The following NUP210L variants were observed in gnomAD, a reference collection of about 807,000 sequenced individuals.
NUP210L encodes the protein nuclear pore membrane glycoprotein 210-like.
NUP210L carries 74 observed loss-of-function variants against 208.5 expected under a neutral mutation model. That is an observed-to-expected ratio of 0.35 (90% CI 0.29 to 0.43). The LOEUF (loss-of-function observed/expected upper bound fraction) is 0.43. NUP210L is among the 20% of genes least tolerant of loss of function. The pLI is 1.00. For missense variants in NUP210L, 1,843 were observed against 2,289.4 expected (o/e 0.81, Z 3.98); for synonymous variants, 780 against 816.9 (o/e 0.95, Z 0.77).
intron 1 of NUP210L, among the ~76,000 whole-genome samples, chr1:154,153,799 C>A (rs1659537490): frequency 1.3e-5 from 2 of 152,128 alleles, no homozygotes. Context: ...TGGAAAGATG[C>A]CTTGCATCAC....
chr1:154,094,970 T>G, exon 15 of NUP210L: 2 of 1,614,164 alleles, frequency 1.2e-6, no homozygotes, highest in Non-Finnish European at 1.7e-6. Flanking sequence ...ATCCGGTAGA[T>G]GTACTGGTTC....
chr1:154,012,958 A>T (rs982567592), intron 33 of NUP210L, among the ~76,000 whole-genome samples: 1 of 137,102 alleles, frequency 7.3e-6, no homozygotes, highest in Non-Finnish European at 1.5e-5. Flanking sequence ...GTGAGCCGAC[A>T]TTGCGCCATT....
chr1:154,035,351 T>C (rs1241039023), intron 27 of NUP210L, among the ~76,000 whole-genome samples: 1 of 152,014 alleles, frequency 6.6e-6, no homozygotes, highest in African/African-American at 2.4e-5. Flanking sequence ...TGCTCTTGCT[T>C]TTCTCGTTCT....
chr1:154,016,921 A>T (rs985115022), intron 33 of NUP210L, among the ~76,000 whole-genome samples: 3 of 152,026 alleles, frequency 2.0e-5, no homozygotes, highest in African/African-American at 7.2e-5. Flanking sequence ...AGCTGAGATC[A>T]CACCACTGCA....
Position 154,058,753 on chromosome 1 carries a change from G to GC in NUP210L, c.2851-61dup. The GC allele has an allele frequency of 5.1e-6, 8 of 1,561,226 alleles. No individual in the cohort carries two copies. In the South Asian group the frequency reaches 9.4e-5, roughly 18 times the overall value. On this transcript the variant is annotated intron_variant, in intron 20 of 39. Transcript: ENST00000368559. Reference sequence around the variant, plus strand: ...CAAACATGCTCCAAGCATAATCAAAGCAACTATTTTCACCCAAAGCAGAAT... The same window carrying GC: ...CAAACATGCTCCAAGCATAATCAAAGCCAACTATTTTCACCCAAAGCAGAAT...
chr1:154,042,718 G>T (rs566391861), intron 27 of NUP210L, among the ~76,000 whole-genome samples: 19 of 145,084 alleles, frequency 1.3e-4, no homozygotes, highest in Admixed American at 8.2e-4. Context: ...GTGAGCCACC[G>T]CGCCTGGCCT....
At position 153,998,840 on chromosome 1, in the gene NUP210L, C is replaced by T. The variant is rs142081696; in HGVS notation, c.5386+2016G>A. ...GCTTAGGCAGTCCTCCCACCTCAAC[C>T]TCCTGCCTGGACTTCAGGTGCATGC... On this transcript the variant is annotated intron_variant, in intron 37 of 39. Coordinates refer to ENST00000368559, the Ensembl canonical transcript of NUP210L. Among the ~76,000 whole-genome samples, 10 of 151,814 alleles carry T rather than the reference C, an allele frequency of 6.6e-5. No homozygotes were observed. In the East Asian group the frequency reaches 1.9e-3, roughly 29 times the overall value.
intron 25 of NUP210L, among the ~76,000 whole-genome samples, chr1:154,051,778 G>T (rs2147980472): frequency 6.6e-6 from 1 of 152,304 alleles, no homozygotes. Flanking sequence ...CTGGGCTACA[G>T]GCCAATCAAG....
intron 2 of NUP210L, among the ~76,000 whole-genome samples, chr1:154,148,981 T>C (rs1270673608): frequency 6.6e-6 from 1 of 151,920 alleles, no homozygotes; most frequent in African/African-American, 2.4e-5. Context: ...TAGAGAAATG[T>C]GTAGCACAAT....
chr1:154,145,060 A>G (rs1659049268), intron 2 of NUP210L, among the ~76,000 whole-genome samples: 1 of 151,748 alleles, frequency 6.6e-6, no homozygotes, highest in African/African-American at 2.4e-5. Context: ...GTGAGCTGAA[A>G]TCATGCCACT....
At position 154,138,118 on chromosome 1, in the gene NUP210L, C is replaced by CT. The variant is rs1282095503; in HGVS notation, c.837dup (p.Gly280ArgfsTer21). The CT allele has an allele frequency of 6.6e-7, 1 of 1,505,966 alleles. No individual in the cohort carries two copies. The highest frequency in any genetic ancestry group is 1.5e-5 in the African/African-American group (1 of 68,480). The allele number at this position is 1,505,966 out of a possible 1,614,324, so 93.3% of individuals were successfully genotyped here. ...TAAATCACCTTACCTGTCACTCTCC[C>CT]TTGAACCATTTTTGCAACTTGGTAT... On this transcript the variant is annotated frameshift_variant, in exon 6 of 40. Transcript: ENST00000368559. LOFTEE classifies it high-confidence loss of function.
At chr1:154,143,526 A>G (rs769513606) in exon 3 of NUP210L, 2 of 1,613,986 alleles carry the variant, frequency 1.2e-6, no homozygotes, top group Non-Finnish European at 1.7e-6. Flanking sequence ...TACAATTTCA[A>G]TGCTGTTTAT....
chr1:154,050,853 G>C (rs529064480), intron 25 of NUP210L, among the ~76,000 whole-genome samples: 3 of 152,286 alleles, frequency 2.0e-5, no homozygotes, highest in African/African-American at 7.2e-5. Context: ...TAATGGTAAA[G>C]CTTCTTATTC....
At chr1:154,097,899 T>C (rs2148058090) in intron 14 of NUP210L, among the ~76,000 whole-genome samples, 1 of 152,340 alleles carries the variant, frequency 6.6e-6, no homozygotes, top group South Asian at 2.1e-4. Context: ...GAAACCTCTG[T>C]GGCTGGTGGC....
intron 21 of NUP210L, 40 bp downstream of exon 21, chr1:154,058,525 A>C (rs1470860022): frequency 6.2e-7 from 1 of 1,602,058 alleles, no homozygotes; most frequent in South Asian, 1.1e-5. Flanking sequence ...AGTGAGAATA[A>C]GTCTTGCTTA....
chr1:153,995,588 A>T, intron 37 of NUP210L: 1 of 788,566 alleles, frequency 1.3e-6, no homozygotes, highest in Non-Finnish European at 2.2e-6. Context: ...AATGCTGGTT[A>T]CCACTTCTTC....
intron 7 of NUP210L, among the ~76,000 whole-genome samples, chr1:154,134,508 C>T (rs1319500661): frequency 4.1e-5 from 6 of 144,868 alleles, no homozygotes; most frequent in Admixed American, 1.4e-4. Flanking sequence ...GAGGCCGAGG[C>T]GGGCAGATCA....
chr1:154,048,566 G>A (rs950886746), intron 25 of NUP210L, among the ~76,000 whole-genome samples: 13 of 152,140 alleles, frequency 8.5e-5, no homozygotes, highest in Admixed American at 5.9e-4. Context: ...TGCCATGAGG[G>A]GCCTATCCTG....
At chr1:153,994,401 G>C (rs1333314516) in intron 38 of NUP210L, among the ~76,000 whole-genome samples, 5 of 151,894 alleles carry the variant, frequency 3.3e-5, no homozygotes, top group Middle Eastern at 3.4e-3. Flanking sequence ...TGCAACCTGT[G>C]TCTCCCAGGT....
Sources: allele counts gnomAD v4.1 joint callset (sites outside exome capture counted in the v4.1 genomes callset), GRCh38; gene constraint gnomAD v4.1.1; transcripts MANE v1.5; gene names NCBI Gene and HGNC (gene_info 2026-07-23, HGNC 2026-07-21).